BICC1: variants seen among roughly 807,000 people sequenced by gnomAD.
BICC1 encodes protein bicaudal C homolog 1.
BICC1 carries 43 observed loss-of-function variants against 111.0 expected under a neutral mutation model. The ratio of observed to expected loss-of-function variants is 0.39; its 90% CI spans 0.30 to 0.50. The LOEUF is 0.50. BICC1 is among the 20% of genes least tolerant of loss of function. The pLI is 0.88. For missense variants in BICC1, 1,091 were observed against 1,203.2 expected (o/e 0.91, Z 1.38); for synonymous variants, 467 against 434.4 (o/e 1.07, Z -0.93).
chr10:58,599,355 G>A (rs10763563), intron 1 of BICC1, among the ~76,000 whole-genome samples: 115,402 of 152,042 alleles, frequency 0.76, 44,434 homozygotes, highest in East Asian at 0.98. Context: ...TTGCCAGGAC[G>A]TGGATGAAGC....
intron 2 of BICC1, among the ~76,000 whole-genome samples, chr10:58,629,294 C>T (rs1837724652): frequency 6.8e-6 from 1 of 146,164 alleles, no homozygotes; most frequent in African/African-American, 2.5e-5. Context: ...TCGGGGATAT[C>T]GTGGTCTAAA....
At chr10:58,739,016 C>G (rs962780099) in intron 3 of BICC1, among the ~76,000 whole-genome samples, 2 of 152,032 alleles carry the variant, frequency 1.3e-5, no homozygotes, top group African/African-American at 2.4e-5. Flanking sequence ...GATATATAAT[C>G]ATGTCATCTG....
intron 20 of BICC1, among the ~76,000 whole-genome samples, chr10:58,828,149 T>C (rs112853868): frequency 2.4e-4 from 37 of 152,242 alleles, no homozygotes; most frequent in African/African-American, 8.7e-4. Context: ...AAGTTATACA[T>C]GGATTTTTGA....
At chr10:58,790,201 T>C (rs1024421426) in intron 8 of BICC1, among the ~76,000 whole-genome samples, 8 of 152,156 alleles carry the variant, frequency 5.3e-5, no homozygotes, top group Non-Finnish European at 8.8e-5. Context: ...AGTGAAATAA[T>C]TGACTGCATT....
At chr10:58,786,314 G>T (rs1202442563) in intron 4 of BICC1, among the ~76,000 whole-genome samples, 1 of 151,948 alleles carries the variant, frequency 6.6e-6, no homozygotes, top group African/African-American at 2.4e-5. Flanking sequence ...AATGTACTTT[G>T]AATTTCTTTA....
At chr10:58,805,306 C>CAA (rs879492123) in intron 15 of BICC1, among the ~76,000 whole-genome samples, 134 of 135,026 alleles carry the variant, frequency 9.9e-4, no homozygotes, top group African/African-American at 3.0e-3. Context: ...AACAAACAAA[C>CAA]AAACAAACAA....
At chr10:58,684,021 T>C (rs1437616817) in intron 2 of BICC1, among the ~76,000 whole-genome samples, 12 of 152,184 alleles carry the variant, frequency 7.9e-5, no homozygotes. Context: ...TTGTCATAAA[T>C]AGCTTTTATT....
chr10:58,514,103 A>G (rs576709461), intron 1 of BICC1, among the ~76,000 whole-genome samples: 42 of 152,366 alleles, frequency 2.8e-4, no homozygotes, highest in Middle Eastern at 3.4e-3. Flanking sequence ...ATCTTCAACC[A>G]TACTGGACCG....
intron 2 of BICC1, among the ~76,000 whole-genome samples, chr10:58,622,071 C>G (rs1280378359): frequency 3.3e-5 from 5 of 149,798 alleles, no homozygotes; most frequent in Non-Finnish European, 3.0e-5. Context: ...AGTTCCAGCT[C>G]CTCTGAAGGC....
intron 3 of BICC1, among the ~76,000 whole-genome samples, chr10:58,732,977 T>C (rs1000527037): frequency 6.6e-6 from 1 of 152,006 alleles, no homozygotes; most frequent in African/African-American, 2.4e-5. Flanking sequence ...AAAATGGCAC[T>C]GACAGACTTG....
At chr10:58,574,695 A>C (rs1350829832) in intron 1 of BICC1, among the ~76,000 whole-genome samples, 1 of 152,182 alleles carries the variant, frequency 6.6e-6, no homozygotes, top group East Asian at 1.9e-4. Context: ...AAATTGAGAC[A>C]ATTTTAATAG....
At chr10:58,628,489 A>T (rs1279684697) in intron 2 of BICC1, among the ~76,000 whole-genome samples, 3 of 152,014 alleles carry the variant, frequency 2.0e-5, no homozygotes, top group Admixed American at 6.6e-5. Context: ...GAGGTGTAAA[A>T]TTTTTTTAAG....
At chr10:58,769,404 G>GTGTGTATATATA (rs1050060686) in intron 3 of BICC1, among the ~76,000 whole-genome samples, 15 of 109,758 alleles carry the variant, frequency 1.4e-4, no homozygotes, top group African/African-American at 4.5e-4. Context: ...GTGTGTGTGT[G>GTGTGTATATATA]TATATATATA....
intron 3 of BICC1, chr10:58,716,241 A>G: frequency 6.7e-7 from 1 of 1,495,840 alleles, no homozygotes; most frequent in Non-Finnish European, 9.1e-7. Context: ...AGCATAAGAA[A>G]CACAGTAAGA....
At chr10:58,791,556 T>C (rs1589141985) in intron 8 of BICC1, among the ~76,000 whole-genome samples, 1 of 152,022 alleles carries the variant, frequency 6.6e-6, no homozygotes, top group East Asian at 1.9e-4. Flanking sequence ...GCCAATATGG[T>C]GAAACCCCAT....
chr10:58,809,977 A>G (rs1843849412), intron 17 of BICC1, among the ~76,000 whole-genome samples: 1 of 152,178 alleles, frequency 6.6e-6, no homozygotes, highest in Non-Finnish European at 1.5e-5. Context: ...TCACTCGGAG[A>G]GCTTAATAAT....
At chr10:58,731,708 GAGA>G (rs1841301131) in intron 3 of BICC1, among the ~76,000 whole-genome samples, 1 of 1,040 alleles carries the variant, frequency 9.6e-4, no homozygotes, top group Admixed American at 0.023. Context: ...AGGACAAGGG[GAGA>G]GAGAGAGAGA....
At chr10:58,701,259 C>T (rs1840225930) in intron 2 of BICC1, among the ~76,000 whole-genome samples, 1 of 152,004 alleles carries the variant, frequency 6.6e-6, no homozygotes. Flanking sequence ...GTAGTTTGCT[C>T]TATTAGTTTG....
rs549701509 is a variant in BICC1 at position 58,829,958 on chromosome 10, C to G, written c.*1067C>G. 3.3e-5 allele frequency: 5 copies of G among 152,150 alleles called. No homozygotes were observed. Among genetic ancestry groups the G allele is most frequent in the Non-Finnish European group, 5.9e-5 (4 of 68,032 alleles). The allele number at this position is 152,150 out of a possible 1,614,324, so 9.4% of individuals were successfully genotyped here. On this transcript the variant is annotated 3_prime_UTR_variant, in exon 21 of 21. Transcript: ENST00000373886. Reference sequence around the variant, plus strand: ...AAAGACAAATAATCATCTGACAAGACAGCACTGTTGCCATTATAAGGAGAA... The same window carrying G: ...AAAGACAAATAATCATCTGACAAGAGAGCACTGTTGCCATTATAAGGAGAA...
Sources: allele counts gnomAD v4.1 joint callset (sites outside exome capture counted in the v4.1 genomes callset), GRCh38; gene constraint gnomAD v4.1.1; transcripts MANE v1.5; gene names NCBI Gene and HGNC (gene_info 2026-07-23, HGNC 2026-07-21).